Variants in ABCG2 observed in about 807,000 individuals in gnomAD.
ABCG2 encodes the protein ATP binding cassette subfamily G member 2 (JR blood group).
A neutral mutation model predicts 73.5 loss-of-function variants in ABCG2; 80 were observed. That is an observed-to-expected ratio of 1.09 (90% CI 0.91 to 1.31). The LOEUF is 1.31. Among genes scored for constraint, ABCG2 ranks in the 50% most tolerant of loss-of-function variants. The pLI, the probability that ABCG2 is intolerant of heterozygous loss-of-function variation, is 0.00. For missense variants in ABCG2, 796 were observed against 786.2 expected, an observed-to-expected ratio of 1.01 and a Z score of -0.15; for synonymous variants, 269 against 282.4, an observed-to-expected ratio of 0.95 and a Z score of 0.48.
chr4:88,109,938 G>C (rs1296222647), intron 9 of ABCG2, among the ~76,000 whole-genome samples: 1 of 152,046 alleles, frequency 6.6e-6, no homozygotes, highest in Non-Finnish European at 1.5e-5. Flanking sequence ...GCTAAGAATG[G>C]TTTTTTACTT....
chr4:88,194,310 G>C (rs536614416), intron 1 of ABCG2, among the ~76,000 whole-genome samples: 1 of 151,646 alleles, frequency 6.6e-6, no homozygotes, highest in East Asian at 2.0e-4. Flanking sequence ...CAGCACTTTG[G>C]GAGGCCGAGG....
chr4:88,202,374 A>ATATATATG (rs1240795047), intron 1 of ABCG2, among the ~76,000 whole-genome samples: 6 of 115,830 alleles, frequency 5.2e-5, no homozygotes, highest in Non-Finnish European at 7.4e-5. Context: ...ATATATATAT[A>ATATATATG]TATGTATATT....
chr4:88,153,399 C>T (rs190206022), intron 1 of ABCG2, among the ~76,000 whole-genome samples: 17 of 152,080 alleles, frequency 1.1e-4, no homozygotes, highest in Non-Finnish European at 2.2e-4. Context: ...TGTATTTTGT[C>T]GCATTCCGAA....
At chr4:88,119,614 A>G (rs376936277) in intron 6 of ABCG2, among the ~76,000 whole-genome samples, 2 of 141,460 alleles carry the variant, frequency 1.4e-5, no homozygotes, top group Non-Finnish European at 1.6e-5. Context: ...GACTCTTGCT[A>G]TGTTTTAGCA....
intron 1 of ABCG2, among the ~76,000 whole-genome samples, chr4:88,156,370 C>CAAAA (rs56029010): frequency 0.02 from 1,378 of 68,408 alleles, 69 homozygotes; most frequent in Middle Eastern, 0.028. Flanking sequence ...GACTCCGTCT[C>CAAAA]AAAAAAAAAA....
At chr4:88,205,889 G>C (rs1729357678) in intron 1 of ABCG2, among the ~76,000 whole-genome samples, 1 of 151,522 alleles carries the variant, frequency 6.6e-6, no homozygotes, top group Non-Finnish European at 1.5e-5. Flanking sequence ...CCCCATGTTG[G>C]CCAGGATGGT....
At chr4:88,217,744 C>T (rs1729866337) in intron 1 of ABCG2, among the ~76,000 whole-genome samples, 2 of 151,992 alleles carry the variant, frequency 1.3e-5, no homozygotes, top group South Asian at 4.2e-4. Context: ...GAAGGTGAGG[C>T]AGCGGGGTCT....
intron 1 of ABCG2, among the ~76,000 whole-genome samples, chr4:88,195,929 T>A (rs1049582967): frequency 2.6e-5 from 4 of 152,226 alleles, no homozygotes; most frequent in Non-Finnish European, 4.4e-5. Context: ...GCATTTTGCC[T>A]CTTAGTGCAT....
chr4:88,201,205 A>G (rs1729150474), intron 1 of ABCG2, among the ~76,000 whole-genome samples: 4 of 122,562 alleles, frequency 3.3e-5, no homozygotes, highest in South Asian at 2.7e-4. Context: ...AGTTGCACTA[A>G]CTGCAAAAAA....
At chr4:88,129,967 C>G (rs548427546) in intron 5 of ABCG2, among the ~76,000 whole-genome samples, 7 of 152,042 alleles carry the variant, frequency 4.6e-5, no homozygotes, top group African/African-American at 1.7e-4. Context: ...ATACAAAAGT[C>G]TGTAAACATT....
intron 1 of ABCG2, among the ~76,000 whole-genome samples, chr4:88,219,576 A>T (rs958176449): frequency 6.1e-4 from 55 of 90,894 alleles, no homozygotes; most frequent in African/African-American, 1.9e-3. Flanking sequence ...TACCATTCAA[A>T]TTTTTTTTTT....
intron 1 of ABCG2, among the ~76,000 whole-genome samples, chr4:88,155,869 A>G (rs1345753968): frequency 1.3e-5 from 2 of 151,998 alleles, no homozygotes; most frequent in Admixed American, 6.6e-5. Flanking sequence ...AGATCCCACC[A>G]TTGCACTCTG....
chr4:88,092,871 A>G (rs985970444), intron 15 of ABCG2, among the ~76,000 whole-genome samples: 1 of 152,214 alleles, frequency 6.6e-6, no homozygotes, highest in African/African-American at 2.4e-5. Context: ...ACGCTTACAA[A>G]TAGCCATAAA....
At position 88,126,227 on chromosome 4, in the gene ABCG2, G is replaced by A. The variant is rs564739492; in HGVS notation, c.532-4435C>T. ...ACACACCCTCCCAAGACTAATCCAGGAAGAAGTCGAATCACTGAGTGGACC... is the reference window on the plus strand; with the variant it reads ...ACACACCCTCCCAAGACTAATCCAGAAAGAAGTCGAATCACTGAGTGGACC... On this transcript the variant is annotated intron_variant, in intron 5 of 15. Transcript: ENST00000237612. Among the ~76,000 whole-genome samples, 12 of 152,258 alleles carry A rather than the reference G, an allele frequency of 7.9e-5. No individual in the cohort carries two copies. In the East Asian group the frequency reaches 9.7e-4, roughly 12 times the overall value.
At chr4:88,203,624 G>A (rs537744005) in intron 1 of ABCG2, among the ~76,000 whole-genome samples, 120 of 151,940 alleles carry the variant, frequency 7.9e-4, no homozygotes, top group African/African-American at 2.6e-3. Flanking sequence ...CGTGGTGGTG[G>A]GCGCCTGTAA....
intron 1 of ABCG2, among the ~76,000 whole-genome samples, chr4:88,165,885 A>G (rs996668015): frequency 9.2e-4 from 140 of 151,772 alleles, no homozygotes; most frequent in African/African-American, 3.2e-3. Context: ...AAAAAAAAAA[A>G]GAGAGAGAGA....
chr4:88,194,971 A>G (rs1369510521), intron 1 of ABCG2, among the ~76,000 whole-genome samples: 1 of 152,228 alleles, frequency 6.6e-6, no homozygotes, highest in African/African-American at 2.4e-5. Context: ...TATGTTTTAA[A>G]GGAATCTCTT....
intron 1 of ABCG2, among the ~76,000 whole-genome samples, chr4:88,149,783 A>G (rs1726326012): frequency 6.6e-6 from 1 of 152,152 alleles, no homozygotes; most frequent in Non-Finnish European, 1.5e-5. Flanking sequence ...CCTGGGAGGC[A>G]GAGGTTGCGG....
At position 88,158,537 on chromosome 4, in the gene ABCG2, A is replaced by C. The variant is rs1206963092; in HGVS notation, c.-171T>G. 2.2e-6 allele frequency: 1 copy of C among 456,424 alleles called. No homozygotes were observed. The highest frequency in any genetic ancestry group is 6.9e-5 in the East Asian group (1 of 14,396). 28.3% of individuals were successfully genotyped at this position (456,424 alleles called of 1,614,324 possible). On this transcript the variant is annotated 5_prime_UTR_variant, in exon 1 of 16. Coordinates refer to ENST00000237612, the MANE Select transcript of ABCG2 (RefSeq NM_004827.3). The stretch of plus-strand genomic sequence containing the variant: ...CTAAAGCAGCAGTTTCCACTTAACA[A>C]GACCACCAAGCATGTGCACGGTGCG...
Sources: gnomAD v4.1 joint callset for allele counts (sites outside exome capture counted in the v4.1 genomes callset) on GRCh38, gnomAD v4.1.1 for gene constraint, MANE v1.5 for transcripts, NCBI Gene and HGNC (gene_info 2026-07-23, HGNC 2026-07-21) for gene names.